Variants in PELO observed in about 807,000 individuals in gnomAD.
The protein encoded by PELO is protein pelota homolog.
PELO carries 19 observed loss-of-function variants against 25.9 expected under a neutral mutation model. That is an observed-to-expected ratio of 0.73 (90% confidence interval 0.51 to 1.08). PELO has a LOEUF of 1.08. Ranked by LOEUF, PELO falls within the 50% of genes least tolerant of loss-of-function variation. The probability of loss-of-function intolerance (pLI) is 0.00; values close to 1 mark genes in which losing one functional copy is unlikely to be tolerated. For synonymous variants in PELO, 196 were observed against 192.2 expected (o/e 1.02, Z -0.16); for missense variants, 498 against 491.4 (o/e 1.01, Z -0.13).
rs1748474160 is a variant in PELO at position 52,801,222 on chromosome 5, T to C, written c.726+102T>C. On this transcript the variant is annotated intron_variant, in intron 2 of 2. Transcript: ENST00000274311. The stretch of plus-strand genomic sequence containing the variant: ...GGGAAAAATAAGAAGAGAAAGTCTT[T>C]ACTTAGCTGGGATTTTCATGAGATA... 8 of 1,280,362 alleles carry C rather than the reference T, an allele frequency of 6.2e-6. No homozygotes were observed. In the African/African-American group the frequency reaches 7.5e-5, roughly 12 times the overall value. 79.3% of individuals were successfully genotyped at this position (1,280,362 alleles called of 1,614,324 possible).
rs1340588289 is a variant in PELO, at chr5:52,788,013, G to T, written c.-912G>T. The T allele has an allele frequency of 3.6e-5, 10 of 279,916 alleles. No individual in the cohort carries two copies. The highest frequency in any genetic ancestry group is 6.0e-5 in the Non-Finnish European group (9 of 150,056). 17.3% of individuals were successfully genotyped at this position (279,916 alleles called of 1,614,324 possible). On this transcript the variant is annotated 5_prime_UTR_variant, in exon 1 of 3. Coordinates refer to ENST00000274311, the MANE Select transcript of PELO (RefSeq NM_015946.5). ...CCTTTAAGGTTTGCTTCTACAGCCC[G>T]TGGACTTTAGCCTAAACACGGACCC... is the stretch of plus-strand genomic sequence containing the variant.
At chr5:52,794,789 G>T (rs555340952) in intron 1 of PELO, among the ~76,000 whole-genome samples, 2 of 151,798 alleles carry the variant, frequency 1.3e-5, no homozygotes, top group Non-Finnish European at 2.9e-5. Context: ...CACAATCTGA[G>T]GTTTGCACAT....
At chr5:52,791,056 CT>C (rs1184024043) in intron 1 of PELO, among the ~76,000 whole-genome samples, 1 of 152,196 alleles carries the variant, frequency 6.6e-6, no homozygotes, top group African/African-American at 2.4e-5. Context: ...TCCCAATAAA[CT>C]TCCTATTTGA....
intron 1 of PELO, among the ~76,000 whole-genome samples, chr5:52,790,217 C>T (rs1450862022): frequency 2.6e-5 from 4 of 152,164 alleles, no homozygotes; most frequent in African/African-American, 9.7e-5. Context: ...GTCTACCCTC[C>T]TAATACATCA....
chr5:52,801,357 A>G (rs1172116898), intron 2 of PELO, 52 bp from the exon 3 acceptor site: 4 of 1,453,316 alleles, frequency 2.8e-6, no homozygotes, highest in Non-Finnish European at 3.8e-6. Context: ...TGAGCTGATT[A>G]ATGGGTGTTC....
At position 52,800,322 on chromosome 5, in the gene PELO, A is replaced by G. The variant is rs1404390999; in HGVS notation, c.-73A>G. On this transcript the variant is annotated 5_prime_UTR_variant, in exon 2 of 3. Coordinates refer to ENST00000274311, the MANE Select transcript of PELO (RefSeq NM_015946.5). Reference sequence around the variant, plus strand: ...CGCCCCCTTCCTGGCCTGCATTCCCATCCCCTCTCCCGGGGCGGAGGTGAG... The same window carrying G: ...CGCCCCCTTCCTGGCCTGCATTCCCGTCCCCTCTCCCGGGGCGGAGGTGAG... 3.8e-6 allele frequency: 6 copies of G among 1,561,696 alleles called. No homozygotes were observed. Among genetic ancestry groups the G allele is most frequent in the East Asian group, 2.2e-5 (1 of 44,604 alleles).
intron 2 of PELO, 98 bp downstream of exon 2, chr5:52,801,218 TCTTTA>T (rs1179435105): frequency 2.3e-6 from 3 of 1,293,908 alleles, no homozygotes; most frequent in Non-Finnish European, 3.2e-6. Flanking sequence ...GAAGAGAAAG[TCTTTA>T]CTTAGCTGGG....
At position 52,801,598 on chromosome 5, in the gene PELO, A is replaced by G; in HGVS notation, c.916A>G (p.Met306Val). Residue 306 changes from methionine to valine, a missense_variant, in exon 3 of 3, where the codon ATG becomes GTG. Coordinates refer to ENST00000274311, the MANE Select transcript of PELO (RefSeq NM_015946.5). ...GCAGGTGGAGAAGGCCAATGAAGCC[A>G]TGGCAATTGACACATTGCTCATCAG... is the stretch of plus-strand genomic sequence containing the variant. ...LKQVEKANEA[M>V]AIDTLLISDE... is the part of the protein sequence containing the mutation. The G allele has an allele frequency of 1.9e-6, 3 of 1,613,982 alleles. No individual in the cohort carries two copies. The highest frequency in any genetic ancestry group is 2.5e-6 in the Non-Finnish European group (3 of 1,179,800).
chr5:52,789,235 A>C (rs1748192060), intron 1 of PELO, among the ~76,000 whole-genome samples: 1 of 152,128 alleles, frequency 6.6e-6, no homozygotes, highest in African/African-American at 2.4e-5. Context: ...GGGAAAGTTG[A>C]AATGGTGAAA....
chr5:52,798,285 G>A (rs555864341), intron 1 of PELO, among the ~76,000 whole-genome samples: 2 of 152,248 alleles, frequency 1.3e-5, no homozygotes, highest in Admixed American at 6.5e-5. Context: ...GAGGAAGTAA[G>A]GGGAGACATA....
At chr5:52,801,144 AATT>A in intron 2 of PELO, 24 bp downstream of exon 2, 3 of 1,570,320 alleles carry the variant, frequency 1.9e-6, no homozygotes, top group Non-Finnish European at 2.6e-6. Flanking sequence ...ACCCAGGGAT[AATT>A]AAGAATGGGC....
Position 52,801,484 on chromosome 5 carries a change from G to A in PELO, c.802G>A (p.Asp268Asn), listed in dbSNP as rs2111665101. The A allele has an allele frequency of 6.2e-7, 1 of 1,614,098 alleles. No individual in the cohort carries two copies. Among genetic ancestry groups the A allele is most frequent in the Non-Finnish European group, 8.5e-7 (1 of 1,179,972 alleles). Reference sequence around the variant, plus strand: ...CCCTACTGTGGCTAGCCGCCTTTCAGACACTAAAGCTGCTGGGGAAGTCAA... The same window carrying A: ...CCCTACTGTGGCTAGCCGCCTTTCAAACACTAAAGCTGCTGGGGAAGTCAA... ...CDPTVASRLS[D>N]TKAAGEVKAL... The change falls in exon 3 of 3, where the codon GAC becomes AAC. Residue 268 changes from aspartate (D) to asparagine (N), a missense_variant. By Grantham distance (23) the Asp-to-Asn change is conservative (BLOSUM62 1). Transcript: ENST00000274311.
At chr5:52,790,974 C>A (rs1335418169) in intron 1 of PELO, among the ~76,000 whole-genome samples, 1 of 152,160 alleles carries the variant, frequency 6.6e-6, no homozygotes, top group Non-Finnish European at 1.5e-5. Flanking sequence ...CATCCTACCA[C>A]CCTCTGACAT....
chr5:52,801,367 C>T (rs764010359), intron 2 of PELO, 42 bp from the exon 3 acceptor site: 39 of 1,515,330 alleles, frequency 2.6e-5, no homozygotes, highest in Non-Finnish European at 3.4e-5. Flanking sequence ...AATGGGTGTT[C>T]TAGGAGATTA....
rs983744897 is a variant in PELO, at chr5:52,788,252, C to T, written c.-673C>T. Reference sequence around the variant, plus strand: ...TGCCACTGGGGCAGAGGACTGGGAACCGCGGCAGCGGGATAAGTGGCCCAG... The same window carrying T: ...TGCCACTGGGGCAGAGGACTGGGAATCGCGGCAGCGGGATAAGTGGCCCAG... On this transcript the variant is annotated 5_prime_UTR_variant, in exon 1 of 3. Coordinates refer to ENST00000274311, the MANE Select transcript of PELO (RefSeq NM_015946.5). 3.3e-6 allele frequency: 3 copies of T among 911,812 alleles called. No homozygotes were observed. The highest frequency in any genetic ancestry group is 4.6e-6 in the Non-Finnish European group (3 of 651,892). 56.5% of individuals were successfully genotyped at this position (911,812 alleles called of 1,614,324 possible). A position where few individuals can be genotyped will look rare whatever the true frequency, so the allele number is the denominator to read the frequency against.
chr5:52,788,340 A>G lies in PELO; in HGVS notation c.-585A>G. 6.7e-7 allele frequency: 1 copy of G among 1,500,150 alleles called. No individual in the cohort carries two copies. Among genetic ancestry groups the G allele is most frequent in the Non-Finnish European group, 8.8e-7 (1 of 1,130,086 alleles). 92.9% of individuals were successfully genotyped at this position (1,500,150 alleles called of 1,614,324 possible). On this transcript the variant is annotated 5_prime_UTR_variant, in exon 1 of 3. Coordinates refer to ENST00000274311, the MANE Select transcript of PELO (RefSeq NM_015946.5). ...GAACCAGCGCGGCCCCCTGGCGCTGAGGCTGCTCCGGCCATGGCCCCTCGG... is the reference window on the plus strand; with the variant it reads ...GAACCAGCGCGGCCCCCTGGCGCTGGGGCTGCTCCGGCCATGGCCCCTCGG...
In PELO at chr5:52,794,645, GT is replaced by G. The variant is rs200059931; in HGVS notation, c.-510-5238del. On this transcript the variant is annotated intron_variant, in intron 1 of 2. Transcript: ENST00000274311. ...AAATTTAGATAGTGAGTGAGTACAA[GT>G]TCCTTAAAAAAAAAAACAAATAAAA... Among the ~76,000 whole-genome samples the G allele has an allele frequency of 7.9e-3, 1,177 of 149,000 alleles. 6 individuals are homozygous for G. The highest frequency in any genetic ancestry group is 0.012 in the Non-Finnish European group (830 of 67,050).
At chr5:52,789,143 G>A (rs989230862) in intron 1 of PELO, among the ~76,000 whole-genome samples, 6 of 152,100 alleles carry the variant, frequency 3.9e-5, no homozygotes, top group Non-Finnish European at 7.3e-5. Context: ...TTTAGAAAAA[G>A]CTTGAAATAT....
intron 1 of PELO, among the ~76,000 whole-genome samples, chr5:52,794,742 C>T (rs990423523): frequency 3.3e-5 from 5 of 151,892 alleles, no homozygotes; most frequent in African/African-American, 9.7e-5. Flanking sequence ...CAGTCATCCA[C>T]TTAGCTTTGC....
Sources: allele counts gnomAD v4.1 joint callset (sites outside exome capture counted in the v4.1 genomes callset), GRCh38; gene constraint gnomAD v4.1.1; transcripts MANE v1.5; gene names NCBI Gene and HGNC (gene_info 2026-07-23, HGNC 2026-07-21).